Variants in AKAP17A observed in about 807,000 individuals in gnomAD.
AKAP17A encodes the protein A-kinase anchoring protein 17A.
Under a neutral mutation model 52.2 loss-of-function variants are expected in AKAP17A, and 15 were observed. The observed-to-expected ratio is 0.29, with a 90% confidence interval of 0.19 to 0.44. The LOEUF (loss-of-function observed/expected upper bound fraction) is 0.44. AKAP17A is among the 20% of genes least tolerant of loss of function. AKAP17A has a pLI of 1.00. For synonymous variants in AKAP17A, 514 were observed against 424.7 expected (o/e 1.21, Z -2.58); for missense variants, 1,060 against 1,007.0 (o/e 1.05, Z -0.71).
intron 4 of AKAP17A, 148 bp downstream of exon 4, chrX:1,599,580 C>G (rs748904319): frequency 1.6e-5 from 18 of 1,116,160 alleles, no homozygotes; most frequent in African/African-American, 9.2e-5. Context: ...GATGACGGCT[C>G]CTTCCCGGGA....
In AKAP17A at chrX:1,601,446, G is replaced by A. The variant is rs202237047; in HGVS notation, c.1940G>A (p.Arg647Gln). ...ACGAGCCCGGACCACACCCGGTCCC[G>A]GAGGTCCCACAGCAAAGACAGGCAC... ...RSTSPDHTRS[R>Q]RSHSKDRHRR... The change falls in exon 5 of 5, where the codon CGG becomes CAG. Residue 647 changes from arginine (R) to glutamine (Q), a missense_variant. Transcript: ENST00000313871. The A allele has an allele frequency of 9.3e-5, 147 of 1,572,728 alleles. No individual in the cohort carries two copies. Among genetic ancestry groups the A allele is most frequent in the Non-Finnish European group, 1.1e-4 (129 of 1,167,108 alleles).
chrX:1,593,063 G>C (rs1321638978), intron 1 of AKAP17A, among the ~76,000 whole-genome samples: 1 of 151,974 alleles, frequency 6.6e-6, no homozygotes, highest in Non-Finnish European at 1.5e-5. Context: ...GCCCCTTCCC[G>C]TGGAGCTAGG....
In AKAP17A at chrX:1,601,296, A is replaced by T; in HGVS notation, c.1790A>T (p.Asp597Val). The T allele has an allele frequency of 6.2e-7, 1 of 1,610,302 alleles. No homozygotes were observed. ...RGRATGDGLA[D>V]RHKRERSRAR... ...CGGGCCACCGGAGACGGGCTTGCTG[A>T]CCGGCACAAGCGGGAGAGGAGCCGG... Residue 597 changes from aspartate (D) to valine (V), a missense_variant, in exon 5 of 5, where the codon GAC becomes GTC. Transcript: ENST00000313871.
At chrX:1,592,683 C>T (rs1385600560) in intron 1 of AKAP17A, among the ~76,000 whole-genome samples, 1 of 152,122 alleles carries the variant, frequency 6.6e-6, no homozygotes, top group African/African-American at 2.4e-5. Flanking sequence ...AGGCGGTCAC[C>T]TGAGATGGTT....
chrX:1,602,132 A>T lies in AKAP17A; in HGVS notation c.*538A>T, dbSNP rs1438168762. The T allele has an allele frequency of 1.3e-5, 2 of 153,748 alleles. No homozygotes were observed. The highest frequency in any genetic ancestry group is 2.9e-5 in the Non-Finnish European group (2 of 69,192). The allele number at this position is 153,748 out of a possible 1,614,324, so 9.5% of individuals were successfully genotyped here. On this transcript the variant is annotated 3_prime_UTR_variant, in exon 5 of 5. Transcript: ENST00000313871. The stretch of plus-strand genomic sequence containing the variant: ...ACATTGAGTCACGGATGAGGAAGGT[A>T]CAAGTCCTTTAAGATCAAAACTCAA...
At chrX:1,594,978 G>C (rs1285007979) in intron 2 of AKAP17A, among the ~76,000 whole-genome samples, 4 of 152,190 alleles carry the variant, frequency 2.6e-5, no homozygotes, top group African/African-American at 9.7e-5. Context: ...CCTGGAGGGG[G>C]TTTTGTGGCC....
Position 1,601,329 on chromosome X carries a change from G to C in AKAP17A, c.1823G>C (p.Arg608Pro). The change falls in exon 5 of 5, where the codon CGG (arginine) becomes CCG (proline). Residue 608 changes from arginine (R) to proline (P), a missense_variant. By Grantham distance (103) the Arg-to-Pro change is moderately radical (BLOSUM62 -2). Around this residue, in one of 2 missense-constraint regions of AKAP17A, gnomAD observed 793 missense variants for 629.9 expected, o/e 1.26. Transcript: ENST00000313871. ...RHKRERSRAR[R>P]ASSREDGRPR... ...AAGCGGGAGAGGAGCCGGGCCAGGC[G>C]GGCCAGCAGCAGGGAGGACGGGAGG... The C allele has an allele frequency of 1.2e-6, 2 of 1,600,810 alleles. No homozygotes were observed. Among genetic ancestry groups the C allele is most frequent in the Non-Finnish European group, 1.7e-6 (2 of 1,175,854 alleles).
chrX:1,601,542 A>C lies in AKAP17A; in HGVS notation c.2036A>C (p.Glu679Ala), dbSNP rs1331185744. ...CACAGCCGCCACCGCCGCCGAAGCG[A>C]GCGGTCGCGCTCCCGGTCCCCGAGC... The part of the protein sequence containing the change: ...RKHSRHRRRS[E>A]RSRSRSPSRH... Residue 679 changes from glutamate to alanine, a missense_variant, in exon 5 of 5, where the codon GAG (glutamate) becomes GCG (alanine). By Grantham distance (107) the Glu-to-Ala change is moderately radical. Transcript: ENST00000313871. 4.7e-6 allele frequency: 7 copies of C among 1,476,898 alleles called. No individual in the cohort carries two copies. In the Admixed American group the frequency reaches 1.0e-4, roughly 21 times the overall value. The allele number at this position is 1,476,898 out of a possible 1,614,324, so 91.5% of individuals were successfully genotyped here.
intron 3 of AKAP17A, among the ~76,000 whole-genome samples, chrX:1,596,552 C>T (rs1207538762): frequency 1.7e-5 from 2 of 121,092 alleles, no homozygotes; most frequent in African/African-American, 4.1e-5. Context: ...CCATCCCTCC[C>T]ACCCTCCTAG....
At chrX:1,598,132 C>T (rs1312520457) in intron 3 of AKAP17A, among the ~76,000 whole-genome samples, 1 of 152,210 alleles carries the variant, frequency 6.6e-6, no homozygotes, top group East Asian at 1.9e-4. Context: ...GCTGTGGGTC[C>T]CGCCTAAGGG....
In AKAP17A at chrX:1,601,520, A is replaced by AGCCGCC; in HGVS notation, c.2015_2020dup (p.Arg673_His674insArgArg). On this transcript the variant is annotated inframe_insertion, in exon 5 of 5. Transcript: ENST00000313871. ...GAGGGGCAGCGCCAGCAGGAAGCAC[A>AGCCGCC]GCCGCCACCGCCGCCGAAGCGAGCG... The AGCCGCC allele has an allele frequency of 6.7e-7, 1 of 1,501,380 alleles. No individual in the cohort carries two copies. Among genetic ancestry groups the AGCCGCC allele is most frequent in the Non-Finnish European group, 8.8e-7 (1 of 1,135,692 alleles). 93.0% of individuals were successfully genotyped at this position (1,501,380 alleles called of 1,614,324 possible).
At chrX:1,600,111 A>AC (rs1344112949) in intron 4 of AKAP17A, 18 of 1,292,212 alleles carry the variant, frequency 1.4e-5, no homozygotes, top group African/African-American at 3.0e-5. Flanking sequence ...ACGCGGGGCG[A>AC]CCCCATAACC....
intron 1 of AKAP17A, among the ~76,000 whole-genome samples, chrX:1,592,253 G>A (rs1932851125): frequency 6.6e-6 from 1 of 151,914 alleles, no homozygotes; most frequent in Admixed American, 6.6e-5. Flanking sequence ...GGGGAGCGGG[G>A]AACTGAGGAG....
rs1222465653 is a variant in AKAP17A, at chrX:1,593,972, C to A, written c.510C>A (p.Ser170Arg). ...ALKESGSEKP[S>R]EDVLVKVFEK... ...AGGAGTCGGGCTCCGAGAAGCCCAG[C>A]GAGGACGTCCTGGTCAAGGTGTTTG... Residue 170 changes from serine to arginine, a missense_variant, in exon 2 of 5, where the codon AGC (serine) becomes AGA (arginine). Coordinates refer to ENST00000313871, the MANE Select transcript of AKAP17A (RefSeq NM_005088.3). The A allele has an allele frequency of 6.2e-7, 1 of 1,601,224 alleles. No individual in the cohort carries two copies. Among genetic ancestry groups the A allele is most frequent in the South Asian group, 1.1e-5 (1 of 89,408 alleles).
intron 3 of AKAP17A, among the ~76,000 whole-genome samples, chrX:1,598,734 G>A (rs1372670367): frequency 2.6e-5 from 4 of 152,196 alleles, no homozygotes; most frequent in African/African-American, 9.6e-5. Flanking sequence ...CCGTGCCAGT[G>A]CTGTGTGGTG....
intron 2 of AKAP17A, among the ~76,000 whole-genome samples, 160 bp downstream of exon 2, chrX:1,594,384 C>G (rs1172311313): frequency 1.3e-5 from 2 of 152,158 alleles, no homozygotes; most frequent in Non-Finnish European, 2.9e-5. Context: ...TTCAGAGGCA[C>G]AGGCGTGAGG....
chrX:1,599,717 G>A lies in AKAP17A; in HGVS notation c.1152+285G>A, dbSNP rs1306810657. 1.4e-5 allele frequency: 9 copies of A among 626,568 alleles called. No homozygotes were observed. In the Admixed American group the frequency reaches 2.3e-4, roughly 16 times the overall value. 38.8% of individuals were successfully genotyped at this position (626,568 alleles called of 1,614,324 possible). A position where few individuals can be genotyped will look rare whatever the true frequency, so the allele number is the denominator to read the frequency against. ...CCGGGGGCCAGGGCAGAGGCTCTCT[G>A]TTTCCTTTGGGTCGGGGCAGTGGCA... On this transcript the variant is annotated intron_variant, in intron 4 of 4. Transcript: ENST00000313871.
rs1429197266 is a variant in AKAP17A at position 1,591,761 on chromosome X, C to A, written c.-28C>A. ...CGGCGGCCTGGGACGCAGGCGGAGC[C>A]CCGCGCAGGTGAGTGCCGCCCCCGT... On this transcript the variant is annotated 5_prime_UTR_variant, in exon 1 of 5. Transcript: ENST00000313871. The A allele has an allele frequency of 2.6e-5, 4 of 151,584 alleles. No individual in the cohort carries two copies. Among genetic ancestry groups the A allele is most frequent in the African/African-American group, 9.7e-5 (4 of 41,240 alleles). 9.4% of individuals were successfully genotyped at this position (151,584 alleles called of 1,614,324 possible). A position where few individuals can be genotyped will look rare whatever the true frequency, so the allele number is the denominator to read the frequency against.
At chrX:1,592,219 T>C (rs1304318261) in intron 1 of AKAP17A, among the ~76,000 whole-genome samples, 4 of 151,218 alleles carry the variant, frequency 2.6e-5, no homozygotes, top group Non-Finnish European at 4.4e-5. Flanking sequence ...GGTTGGGGTA[T>C]TGGGGCTCAT....
Sources: allele counts gnomAD v4.1 joint callset (sites outside exome capture counted in the v4.1 genomes callset), GRCh38; gene constraint gnomAD v4.1.1; regional missense constraint gnomAD v4.1.1; transcripts MANE v1.5; gene names NCBI Gene and HGNC (gene_info 2026-07-23, HGNC 2026-07-21).